Variants in TGM4 observed in about 807,000 individuals in gnomAD.
TGM4 encodes the protein protein-glutamine gamma-glutamyltransferase 4.
Under a neutral mutation model 76.3 loss-of-function variants are expected in TGM4, and 61 were observed. The ratio of observed to expected loss-of-function variants is 0.80; its 90% CI spans 0.65 to 0.99. The LOEUF is 0.99. TGM4 is among the 50% of genes least tolerant of loss of function. The probability of loss-of-function intolerance (pLI) is 0.00; values close to 1 mark genes in which losing one functional copy is unlikely to be tolerated. For missense variants in TGM4, 794 were observed against 843.2 expected (o/e 0.94, Z 0.72); for synonymous variants, 337 against 329.8 (o/e 1.02, Z -0.24).
chr3:44,901,667 G>C lies in TGM4; in HGVS notation c.801G>C (p.Gln267His). ...YNTKQAVCFG[Q>H]CWVFAGILTT... ...CGAAGCAGGCTGTGTGCTTTGGCCA[G>C]TGCTGGGTGTTTGCTGGGATCCTGA... Residue 267 changes from glutamine to histidine, a missense_variant, in exon 7 of 14, where the codon CAG becomes CAC. Coordinates refer to ENST00000296125, the MANE Select transcript of TGM4 (RefSeq NM_003241.4). 6.2e-7 allele frequency: 1 copy of C among 1,614,204 alleles called. No individual in the cohort carries two copies. The highest frequency in any genetic ancestry group is 1.1e-5 in the South Asian group (1 of 91,090).
At chr3:44,879,265 C>CTCTCTCTCTA (rs1482970491) in intron 1 of TGM4, among the ~76,000 whole-genome samples, 2 of 92,294 alleles carry the variant, frequency 2.2e-5, no homozygotes, top group African/African-American at 8.8e-5. Flanking sequence ...CTCTCTCTCT[C>CTCTCTCTCTA]TATATATATA....
At chr3:44,891,511 C>T (rs1699697030) in intron 4 of TGM4, among the ~76,000 whole-genome samples, 1 of 78,422 alleles carries the variant, frequency 1.3e-5, no homozygotes, top group South Asian at 3.0e-4. Context: ...CCTCCCTCCT[C>T]TACACACACA....
At chr3:44,890,837 C>G in intron 4 of TGM4, 105 bp downstream of exon 4, 2 of 1,423,026 alleles carry the variant, frequency 1.4e-6, no homozygotes, top group Non-Finnish European at 1.9e-6. Context: ...AAGGTACTTG[C>G]AAACTAGTTT....
At position 44,901,850 on chromosome 3, in the gene TGM4, A is replaced by T; in HGVS notation, c.890A>T (p.Asp297Val). The T allele has an allele frequency of 6.2e-7, 1 of 1,614,172 alleles. No individual in the cohort carries two copies. Among genetic ancestry groups the T allele is most frequent in the Non-Finnish European group, 8.5e-7 (1 of 1,180,026 alleles). Reference sequence around the variant, plus strand: ...GTGACAGGCTTCGATTCAGCTCACGACACAGAAAGGAACCTCACGGTGGAC... The same window carrying T: ...GTGACAGGCTTCGATTCAGCTCACGTCACAGAAAGGAACCTCACGGTGGAC... ...RSVTGFDSAH[D>V]TERNLTVDTY... The change falls in exon 8 of 14, where the codon GAC becomes GTC. Residue 297 changes from aspartate to valine, a missense_variant. By Grantham distance (152) the Asp-to-Val change is radical. Coordinates refer to ENST00000296125, the MANE Select transcript of TGM4 (RefSeq NM_003241.4).
In TGM4 at chr3:44,907,079, T is replaced by C; in HGVS notation, c.1206T>C (p.Asn402=). Residue 402 remains asparagine (N), a synonymous_variant, in exon 10 of 14, where the codon AAT becomes AAC. Coordinates refer to ENST00000296125, the MANE Select transcript of TGM4 (RefSeq NM_003241.4). ...TCATCTGGTTGGTGAAGATGGTGAA[T>C]GGGCAGGAGGAGTTACACGTAATTT... The part of the protein sequence containing the change: ...DRLIWLVKMV[N]GQEELHVISM... The C allele has an allele frequency of 6.2e-7, 1 of 1,614,092 alleles. No individual in the cohort carries two copies. The highest frequency in any genetic ancestry group is 8.5e-7 in the Non-Finnish European group (1 of 1,180,032).
chr3:44,879,537 A>G (rs535188511), intron 1 of TGM4, among the ~76,000 whole-genome samples: 1 of 149,536 alleles, frequency 6.7e-6, no homozygotes, highest in African/African-American at 2.5e-5. Context: ...CAGTGGCGCA[A>G]TCTCGGCTCA....
intron 13 of TGM4, 106 bp downstream of exon 13, chr3:44,911,512 A>T: frequency 1.5e-6 from 2 of 1,337,914 alleles, no homozygotes; most frequent in Non-Finnish European, 2.0e-6. Flanking sequence ...CACAGGGTCA[A>T]AATGTAGATA....
At chr3:44,913,439 A>G in intron 13 of TGM4, 145 bp from the exon 14 acceptor site, 2 of 977,568 alleles carry the variant, frequency 2.0e-6, no homozygotes, top group Non-Finnish European at 1.5e-6. Flanking sequence ...GTGCAGGTAC[A>G]CTGTGCCATG....
chr3:44,885,375 C>G lies in TGM4; in HGVS notation c.70C>G (p.His24Asp). Reference sequence around the variant, plus strand: ...CTTGAATCAGGACAACGCCGTTTCTCACCACACATGGGAGTTCCAAACGAG... The same window carrying G: ...CTTGAATCAGGACAACGCCGTTTCTGACCACACATGGGAGTTCCAAACGAG... The part of the protein sequence containing the change: ...DFLNQDNAVS[H>D]HTWEFQTSSP... Residue 24 changes from histidine (H) to aspartate (D), a missense_variant, in exon 2 of 14, where the codon CAC becomes GAC. Transcript: ENST00000296125. 6.2e-7 allele frequency: 1 copy of G among 1,613,924 alleles called. No individual in the cohort carries two copies. The highest frequency in any genetic ancestry group is 8.5e-7 in the Non-Finnish European group (1 of 1,179,846).
chr3:44,887,751 CACT>C lies in TGM4; in HGVS notation c.259_261del (p.Tyr87del), dbSNP rs753139942. Reference sequence around the variant, plus strand: ...GCTCGACCCGAGGACGCCCTCAGACCACTACAACTGGCAGGCAACCCTTCAAAA... The same window carrying C: ...GCTCGACCCGAGGACGCCCTCAGACCACAACTGGCAGGCAACCCTTCAAAA... On this transcript the variant is annotated inframe_deletion, in exon 3 of 14. Coordinates refer to ENST00000296125, the MANE Select transcript of TGM4 (RefSeq NM_003241.4). 4.3e-6 allele frequency: 7 copies of C among 1,614,194 alleles called. No individual in the cohort carries two copies. The Admixed American group carries it at 1.2e-4, about 27-fold the overall frequency.
At chr3:44,877,902 T>A (rs1699471370) in intron 1 of TGM4, among the ~76,000 whole-genome samples, 1 of 152,168 alleles carries the variant, frequency 6.6e-6, no homozygotes, top group South Asian at 2.1e-4. Context: ...TTAAATGGTC[T>A]ACATGTCCAT....
At chr3:44,902,883 A>G (rs112845463) in intron 8 of TGM4, among the ~76,000 whole-genome samples, 142 of 152,356 alleles carry the variant, frequency 9.3e-4, no homozygotes, top group African/African-American at 3.0e-3. Flanking sequence ...GAGGGAGTAG[A>G]CGAGGTGGGA....
chr3:44,899,637 C>A (rs1373221651), intron 6 of TGM4: 3 of 152,236 alleles, frequency 2.0e-5, no homozygotes, highest in Admixed American at 6.5e-5. Context: ...AGGCAGGGAA[C>A]CTCGGCGCAG....
intron 13 of TGM4, among the ~76,000 whole-genome samples, chr3:44,912,233 A>G (rs1700014945): frequency 6.6e-6 from 1 of 152,194 alleles, no homozygotes; most frequent in Admixed American, 6.5e-5. Context: ...CGGATACTGA[A>G]TTTCATGTCA....
intron 6 of TGM4, among the ~76,000 whole-genome samples, chr3:44,898,662 C>T (rs539346983): frequency 2.0e-5 from 3 of 152,274 alleles, no homozygotes; most frequent in Non-Finnish European, 2.9e-5. Context: ...CTGCGACAGA[C>T]GGATCTTAAG....
chr3:44,909,330 CAT>C (rs1699968968), intron 10 of TGM4, among the ~76,000 whole-genome samples: 1 of 152,232 alleles, frequency 6.6e-6, no homozygotes, highest in Non-Finnish European at 1.5e-5. Flanking sequence ...CCCCCGTGGA[CAT>C]TTTGTCCCTC....
intron 1 of TGM4, among the ~76,000 whole-genome samples, chr3:44,885,089 A>G (rs1181693417): frequency 2.6e-5 from 4 of 152,162 alleles, no homozygotes; most frequent in South Asian, 2.1e-4. Context: ...ACTTGAGTCC[A>G]CTGCTCTCAG....
At chr3:44,880,418 GA>G (rs1055242617) in intron 1 of TGM4, among the ~76,000 whole-genome samples, 1 of 152,188 alleles carries the variant, frequency 6.6e-6, no homozygotes, top group Non-Finnish European at 1.5e-5. Flanking sequence ...GGTGATGTTT[GA>G]AATTTTTCAT....
chr3:44,904,981 CT>C (rs756925274), intron 9 of TGM4, among the ~76,000 whole-genome samples: 45 of 150,908 alleles, frequency 3.0e-4, no homozygotes, highest in South Asian at 2.7e-3. Flanking sequence ...TGTGCCTGGC[CT>C]TTATTTATTT....
Sources: allele counts gnomAD v4.1 joint callset (sites outside exome capture counted in the v4.1 genomes callset), GRCh38; gene constraint gnomAD v4.1.1; transcripts MANE v1.5; gene names NCBI Gene and HGNC (gene_info 2026-07-23, HGNC 2026-07-21).